The following IPCEF1 variants were observed in gnomAD, a reference collection of about 807,000 sequenced individuals.
The protein encoded by IPCEF1 is interaction protein for cytohesin exchange factors 1.
In IPCEF1, 31 loss-of-function variants were observed where a neutral mutation model predicts 50.9. The ratio of observed to expected loss-of-function variants is 0.61; its 90% confidence interval spans 0.46 to 0.82. The LOEUF (loss-of-function observed/expected upper bound fraction) is 0.82. Ranked by LOEUF, IPCEF1 falls within the 40% of genes least tolerant of loss-of-function variation. The pLI is 0.00. For synonymous variants in IPCEF1, 181 were observed against 192.0 expected (o/e 0.94, Z 0.47); for missense variants, 458 against 514.0 (o/e 0.89, Z 1.05).
At chr6:154,212,329 C>A (rs1778027408) in intron 9 of IPCEF1, among the ~76,000 whole-genome samples, 1 of 152,198 alleles carries the variant, frequency 6.6e-6, no homozygotes, top group South Asian at 2.1e-4. Context: ...TAACCCCACT[C>A]CTGACTTCCT....
chr6:154,297,117 A>G (rs536054976), intron 1 of IPCEF1, among the ~76,000 whole-genome samples: 64 of 151,754 alleles, frequency 4.2e-4, no homozygotes, highest in Non-Finnish European at 6.9e-4. Context: ...GGCTCGCTAC[A>G]GTTGCAACCT....
rs371224958 is a variant in IPCEF1 at position 154,356,134 on chromosome 6, G to A, written c.-62+538C>T. ...ATACTTTCACATATACCCCAGCAAA[G>A]AAAAATCAAGTGCCCCAGACACCCT... On this transcript the variant is annotated intron_variant, in intron 1 of 11. Coordinates refer to ENST00000367220, the MANE Select transcript of IPCEF1 (RefSeq NM_001130700.2). Among the ~76,000 whole-genome samples, 68 of 152,182 alleles carry A rather than the reference G, an allele frequency of 4.5e-4. No individual in the cohort carries two copies. In the East Asian group the frequency reaches 0.011, roughly 24 times the overall value.
At chr6:154,190,625 C>G (rs920024525) in intron 10 of IPCEF1, among the ~76,000 whole-genome samples, 1 of 152,184 alleles carries the variant, frequency 6.6e-6, no homozygotes, top group Non-Finnish European at 1.5e-5. Flanking sequence ...TAAACATACT[C>G]TTACCATACA....
chr6:154,204,478 T>C (rs972051408), intron 9 of IPCEF1, among the ~76,000 whole-genome samples: 6 of 152,226 alleles, frequency 3.9e-5, no homozygotes, highest in Non-Finnish European at 5.9e-5. Flanking sequence ...CAGTCAATTG[T>C]TGTTAAGCCC....
intron 10 of IPCEF1, among the ~76,000 whole-genome samples, chr6:154,194,003 T>C (rs573353808): frequency 2.9e-4 from 44 of 152,304 alleles, no homozygotes; most frequent in African/African-American, 9.9e-4. Context: ...TCATAATAAA[T>C]GTGGTATTCT....
intron 1 of IPCEF1, among the ~76,000 whole-genome samples, chr6:154,319,252 T>C (rs1403813239): frequency 2.6e-5 from 4 of 152,210 alleles, no homozygotes; most frequent in South Asian, 2.1e-4. Flanking sequence ...TCATAAGCCA[T>C]GCATGGTAAA....
At chr6:154,351,968 A>C (rs1028278058) in intron 1 of IPCEF1, among the ~76,000 whole-genome samples, 1 of 152,036 alleles carries the variant, frequency 6.6e-6, no homozygotes, top group South Asian at 2.1e-4. Flanking sequence ...AAAAACACAC[A>C]CTGAGGCCTG....
intron 1 of IPCEF1, among the ~76,000 whole-genome samples, chr6:154,316,217 T>C (rs1583981240): frequency 6.6e-6 from 1 of 152,360 alleles, no homozygotes; most frequent in East Asian, 1.9e-4. Flanking sequence ...GTTGCCATTA[T>C]TGGCCCTCTC....
In IPCEF1 at chr6:154,176,899, G is replaced by A. The variant is rs181126074; in HGVS notation, c.911-8786C>T. Among the ~76,000 whole-genome samples the A allele has an allele frequency of 2.4e-3, 362 of 152,254 alleles. 6 individuals carry two copies. Among genetic ancestry groups the A allele is most frequent in the Non-Finnish European group, 1.0e-3 (71 of 68,012 alleles). On this transcript the variant is annotated intron_variant, in intron 10 of 11. Transcript: ENST00000367220. ...ACCTGACTTCAAACTATACCACAAG[G>A]CCACAGTAACCAAAACAGCATGACA... is the stretch of plus-strand genomic sequence containing the variant.
At chr6:154,296,657 A>G (rs1052075103) in intron 1 of IPCEF1, among the ~76,000 whole-genome samples, 48 of 151,994 alleles carry the variant, frequency 3.2e-4, no homozygotes, top group Non-Finnish European at 5.4e-4. Context: ...GTGAAACCCC[A>G]TCTCTACTAA....
chr6:154,292,747 T>A (rs1188075182), intron 1 of IPCEF1, among the ~76,000 whole-genome samples: 1 of 152,192 alleles, frequency 6.6e-6, no homozygotes, highest in Non-Finnish European at 1.5e-5. Flanking sequence ...CATAATTATT[T>A]CAAATTATAA....
intron 1 of IPCEF1, among the ~76,000 whole-genome samples, chr6:154,317,777 T>A (rs1158795188): frequency 6.6e-6 from 1 of 151,506 alleles, no homozygotes; most frequent in East Asian, 1.9e-4. Context: ...GGTTTTTTTT[T>A]AAATGTTTGG....
chr6:154,296,791 T>C (rs1782673305), intron 1 of IPCEF1, among the ~76,000 whole-genome samples: 2 of 141,750 alleles, frequency 1.4e-5, no homozygotes, highest in Non-Finnish European at 3.0e-5. Context: ...ATCACCCCAC[T>C]GCACTCCAGC....
At chr6:154,175,643 A>G (rs1023945221) in intron 10 of IPCEF1, among the ~76,000 whole-genome samples, 3 of 152,220 alleles carry the variant, frequency 2.0e-5, no homozygotes, top group African/African-American at 7.2e-5. Flanking sequence ...ATCTCTGAAT[A>G]GACTAAAAAT....
intron 2 of IPCEF1, among the ~76,000 whole-genome samples, chr6:154,283,351 C>T (rs985429856): frequency 1.2e-4 from 17 of 142,756 alleles, no homozygotes; most frequent in Non-Finnish European, 2.3e-4. Flanking sequence ...AATCCCAGTA[C>T]TTTGGGAGGC....
chr6:154,213,133 G>A, intron 8 of IPCEF1: 1 of 394,926 alleles, frequency 2.5e-6, no homozygotes, highest in South Asian at 3.3e-5. Flanking sequence ...CAAAAGAGGT[G>A]TGAGTCATAA....
intron 1 of IPCEF1, among the ~76,000 whole-genome samples, chr6:154,315,986 A>G (rs1265635484): frequency 6.6e-6 from 1 of 152,074 alleles, no homozygotes; most frequent in African/African-American, 2.4e-5. Context: ...CAGCCTCCCA[A>G]GTAGCTGCGA....
intron 2 of IPCEF1, among the ~76,000 whole-genome samples, chr6:154,279,360 C>T (rs990341198): frequency 1.3e-5 from 2 of 152,174 alleles, no homozygotes; most frequent in Non-Finnish European, 2.9e-5. Flanking sequence ...GGAAAGATGT[C>T]GTGTGTTCAT....
intron 10 of IPCEF1, among the ~76,000 whole-genome samples, chr6:154,173,822 C>T (rs567452718): frequency 9.2e-5 from 14 of 152,212 alleles, no homozygotes; most frequent in East Asian, 7.7e-4. Flanking sequence ...ATACAGAGAA[C>T]GCCACAAAGA....
Sources: allele counts gnomAD v4.1 joint callset (sites outside exome capture counted in the v4.1 genomes callset), GRCh38; gene constraint gnomAD v4.1.1; transcripts MANE v1.5; gene names NCBI Gene and HGNC (gene_info 2026-07-23, HGNC 2026-07-21).